Variants in ABCA13 observed in about 807,000 individuals in gnomAD.
ABCA13 encodes ATP-binding cassette sub-family A member 13.
Under a neutral mutation model 478.7 loss-of-function variants are expected in ABCA13, and 476 were observed. That is an observed-to-expected ratio of 0.99 (90% CI 0.92 to 1.07). ABCA13 has a LOEUF of 1.07. Ranked by LOEUF, ABCA13 falls within the 50% of genes least tolerant of loss-of-function variation. The pLI is 0.00. For missense variants in ABCA13, 6,060 were observed against 5,910.6 expected, an observed-to-expected ratio of 1.03 and a Z score of -0.83; for synonymous variants, 2,252 against 2,158.9, an observed-to-expected ratio of 1.04 and a Z score of -1.20.
intron 43 of ABCA13, among the ~76,000 whole-genome samples, chr7:48,462,495 CA>C (rs11286747): frequency 0.25 from 37,927 of 150,252 alleles, 5,149 homozygotes; most frequent in Middle Eastern, 0.35. Flanking sequence ...GTCTTTTTTT[CA>C]GTTCAGGGTA....
intron 19 of ABCA13, among the ~76,000 whole-genome samples, chr7:48,282,345 G>T (rs1797162466): frequency 6.6e-6 from 1 of 152,212 alleles, no homozygotes; most frequent in African/African-American, 2.4e-5. Flanking sequence ...ATTCACAGGT[G>T]CACAGAGGTG....
intron 29 of ABCA13, among the ~76,000 whole-genome samples, chr7:48,348,531 C>A (rs561174529): frequency 6.6e-6 from 1 of 152,340 alleles, no homozygotes; most frequent in African/African-American, 2.4e-5. Flanking sequence ...GTGTTTTATT[C>A]TTCTATGAAT....
intron 39 of ABCA13, among the ~76,000 whole-genome samples, chr7:48,408,376 T>C (rs964271530): frequency 3.3e-5 from 5 of 152,214 alleles, no homozygotes; most frequent in African/African-American, 1.2e-4. Context: ...ATGATAGCTC[T>C]AGTCAGATGA....
intron 35 of ABCA13, 54 bp from the exon 36 acceptor site, chr7:48,387,768 A>G (rs950732115): frequency 7.4e-7 from 1 of 1,350,320 alleles, no homozygotes; most frequent in Non-Finnish European, 1.0e-6. Context: ...ATTCTAATAC[A>G]GTACCTTCAT....
intron 32 of ABCA13, among the ~76,000 whole-genome samples, chr7:48,368,378 A>G (rs888355409): frequency 1.3e-5 from 2 of 151,894 alleles, no homozygotes; most frequent in African/African-American, 4.8e-5. Flanking sequence ...GTTCTTCGGT[A>G]GCGATTTCTG....
intron 10 of ABCA13, among the ~76,000 whole-genome samples, chr7:48,243,601 T>C (rs1469613792): frequency 6.6e-6 from 1 of 152,236 alleles, no homozygotes; most frequent in African/African-American, 2.4e-5. Context: ...GGGACCTTGC[T>C]CACTCTCTCT....
chr7:48,641,255 C>A (rs1290022695), intron 59 of ABCA13, among the ~76,000 whole-genome samples: 1 of 152,204 alleles, frequency 6.6e-6, no homozygotes, highest in Non-Finnish European at 1.5e-5. Context: ...ACTGTCTCCT[C>A]ATACCATTGT....
chr7:48,468,120 G>GA (rs11454640), intron 44 of ABCA13, among the ~76,000 whole-genome samples: 28,713 of 147,894 alleles, frequency 0.19, 3,192 homozygotes, highest in African/African-American at 0.31. Flanking sequence ...GAACCAGTTA[G>GA]AAAAAAAAAA....
At chr7:48,256,877 A>G (rs1793472545) in intron 15 of ABCA13, among the ~76,000 whole-genome samples, 1 of 152,162 alleles carries the variant, frequency 6.6e-6, no homozygotes, top group Non-Finnish European at 1.5e-5. Context: ...TTTGTTAAGA[A>G]TAACATTGAA....
chr7:48,261,067 G>T (rs1253725594), intron 15 of ABCA13, among the ~76,000 whole-genome samples: 1 of 151,620 alleles, frequency 6.6e-6, no homozygotes, highest in African/African-American at 2.4e-5. Flanking sequence ...AAATTAGTTT[G>T]CCTCATGTAC....
chr7:48,352,069 A>T, intron 30 of ABCA13, 112 bp from the exon 31 acceptor site: 1 of 1,035,156 alleles, frequency 9.7e-7, no homozygotes, highest in Non-Finnish European at 1.4e-6. Context: ...GCAGGAGTGG[A>T]GGGCTGTGAG....
rs1184282980 is a variant in ABCA13 at position 48,278,437 on chromosome 7, C to G, written c.7243C>G (p.Leu2415Val). 1.9e-6 allele frequency: 3 copies of G among 1,613,904 alleles called. No individual in the cohort carries two copies. In the East Asian group the frequency reaches 6.7e-5, roughly 36 times the overall value. ...LNQDLGSALH[L>V]VRECSTEMAR... ...TCAAGATCTTGGGTCAGCTCTTCAC[C>G]TTGTAAGAGAATGTTCAACAGAGAT... Residue 2415 changes from leucine (L) to valine (V), a missense_variant, in exon 18 of 62, where the codon CTT becomes GTT. Leu to Val is a conservative substitution (Grantham distance 32). Transcript: ENST00000435803.
intron 31 of ABCA13, among the ~76,000 whole-genome samples, chr7:48,365,319 C>T (rs1367571639): frequency 6.6e-6 from 1 of 151,978 alleles, no homozygotes; most frequent in Non-Finnish European, 1.5e-5. Context: ...GCTATTAGTC[C>T]CTTGTCAGAT....
chr7:48,458,024 G>A (rs1000947162), intron 43 of ABCA13, among the ~76,000 whole-genome samples: 3 of 152,142 alleles, frequency 2.0e-5, no homozygotes, highest in Non-Finnish European at 2.9e-5. Flanking sequence ...AACTGCTCTT[G>A]TTAGGAATTC....
chr7:48,181,671 T>G (rs1795718526), intron 1 of ABCA13, among the ~76,000 whole-genome samples: 2 of 152,158 alleles, frequency 1.3e-5, no homozygotes, highest in Non-Finnish European at 2.9e-5. Flanking sequence ...CAGTAGGGCC[T>G]CTTTTTGGAC....
At chr7:48,602,704 C>T (rs12111589) in intron 58 of ABCA13, among the ~76,000 whole-genome samples, 6,526 of 151,744 alleles carry the variant, frequency 0.043, 439 homozygotes, top group African/African-American at 0.15. Flanking sequence ...CTTGGTTACG[C>T]GGGCTCTTTT....
At position 48,557,403 on chromosome 7, in the gene ABCA13, G is replaced by A. The variant is rs145430718; in HGVS notation, c.14355-22821G>A. Reference sequence around the variant, plus strand: ...AGGTCTGTTATTGATGAAATCATTCGGCTTTTCTTTGACTGGGAAAGTCTT... The same window carrying A: ...AGGTCTGTTATTGATGAAATCATTCAGCTTTTCTTTGACTGGGAAAGTCTT... On this transcript the variant is annotated intron_variant, in intron 55 of 61. Coordinates refer to ENST00000435803, the MANE Select transcript of ABCA13 (RefSeq NM_152701.5). Among the ~76,000 whole-genome samples the A allele has an allele frequency of 1.7e-3, 253 of 151,966 alleles. 1 individual carries two copies. The highest frequency in any genetic ancestry group is 5.6e-3 in the African/African-American group (232 of 41,492).
intron 5 of ABCA13, among the ~76,000 whole-genome samples, chr7:48,225,914 A>G (rs1254716293): frequency 6.6e-6 from 1 of 152,044 alleles, no homozygotes; most frequent in Non-Finnish European, 1.5e-5. Flanking sequence ...CCAGTGGAAT[A>G]TATGATAGAT....
chr7:48,355,246 C>G (rs1809705367), intron 31 of ABCA13, among the ~76,000 whole-genome samples: 1 of 151,758 alleles, frequency 6.6e-6, no homozygotes, highest in Non-Finnish European at 1.5e-5. Flanking sequence ...TGGGGTAGAC[C>G]CTATCAGGAA....
Sources: gnomAD v4.1 joint callset for allele counts (sites outside exome capture counted in the v4.1 genomes callset) on GRCh38, gnomAD v4.1.1 for gene constraint, MANE v1.5 for transcripts, NCBI Gene and HGNC (gene_info 2026-07-23, HGNC 2026-07-21) for gene names.